SLC8A1: variants seen among roughly 807,000 people sequenced by gnomAD.
SLC8A1 encodes the protein sodium/calcium exchanger 1.
In SLC8A1, 18 loss-of-function variants were observed where a neutral mutation model predicts 68.3. That is an observed-to-expected ratio of 0.26 (90% CI 0.18 to 0.39). The LOEUF (loss-of-function observed/expected upper bound fraction) is 0.39. Among genes scored for constraint, SLC8A1 ranks in the 10% least tolerant of loss-of-function variants. SLC8A1 has a pLI of 1.00. For missense variants in SLC8A1, 985 were observed against 1,156.7 expected, an observed-to-expected ratio of 0.85 and a Z score of 2.15; for synonymous variants, 475 against 415.5, an observed-to-expected ratio of 1.14 and a Z score of -1.74.
chr2:40,480,808 C>A (rs778671670), intron 1 of SLC8A1, among the ~76,000 whole-genome samples: 1 of 152,062 alleles, frequency 6.6e-6, no homozygotes, highest in Non-Finnish European at 1.5e-5. Context: ...AAGATGAAGA[C>A]CACGACGTTA....
At chr2:40,438,690 C>T (rs1282319559) in intron 1 of SLC8A1, among the ~76,000 whole-genome samples, 1 of 152,146 alleles carries the variant, frequency 6.6e-6, no homozygotes, top group African/African-American at 2.4e-5. Context: ...TGGACAAAGG[C>T]ATAGAGCAAT....
chr2:40,213,656 A>G (rs1558781821), intron 2 of SLC8A1, among the ~76,000 whole-genome samples: 1 of 152,044 alleles, frequency 6.6e-6, no homozygotes, highest in Non-Finnish European at 1.5e-5. Flanking sequence ...TCCCAAGGAC[A>G]TTTTTTCCCC....
At chr2:40,473,703 C>T (rs1381369630) in intron 1 of SLC8A1, among the ~76,000 whole-genome samples, 3 of 152,102 alleles carry the variant, frequency 2.0e-5, no homozygotes, top group Admixed American at 2.0e-4. Flanking sequence ...TTGTTTATTA[C>T]AGTATTAATG....
intron 2 of SLC8A1, among the ~76,000 whole-genome samples, chr2:40,272,587 G>A (rs1454013506): frequency 6.6e-6 from 1 of 152,222 alleles, no homozygotes; most frequent in Non-Finnish European, 1.5e-5. Flanking sequence ...CACCTGTGCA[G>A]AGCCTGCCTT....
intron 2 of SLC8A1, among the ~76,000 whole-genome samples, chr2:40,343,681 T>C (rs1668389985): frequency 6.6e-6 from 1 of 152,146 alleles, no homozygotes; most frequent in Non-Finnish European, 1.5e-5. Flanking sequence ...ATAAATTAAA[T>C]ATAGACATAT....
chr2:40,279,599 C>T (rs181198209), intron 2 of SLC8A1, among the ~76,000 whole-genome samples: 3 of 152,260 alleles, frequency 2.0e-5, no homozygotes, highest in East Asian at 3.9e-4. Flanking sequence ...GACATAATTT[C>T]GGAGATGCTA....
intron 1 of SLC8A1, among the ~76,000 whole-genome samples, chr2:40,436,503 G>A (rs1186475459): frequency 6.6e-6 from 1 of 152,128 alleles, no homozygotes; most frequent in Non-Finnish European, 1.5e-5. Context: ...AGCATAACGA[G>A]AGCACCTGGG....
chr2:40,246,701 G>A (rs1468453948), intron 2 of SLC8A1, among the ~76,000 whole-genome samples: 1 of 152,200 alleles, frequency 6.6e-6, no homozygotes, highest in Non-Finnish European at 1.5e-5. Context: ...GGATGGTGAA[G>A]TCATATTGCT....
At chr2:40,212,301 T>TTTTTTTTA (rs1553417570) in intron 2 of SLC8A1, among the ~76,000 whole-genome samples, 1 of 150,426 alleles carries the variant, frequency 6.6e-6, no homozygotes, top group African/African-American at 2.4e-5. Flanking sequence ...TTTTTTTTTT[T>TTTTTTTTA]CCTGAGACAA....
intron 2 of SLC8A1, among the ~76,000 whole-genome samples, chr2:40,253,466 T>C (rs1045210160): frequency 6.6e-6 from 1 of 152,026 alleles, no homozygotes; most frequent in African/African-American, 2.4e-5. Flanking sequence ...AAGTATTATA[T>C]GTTCTCACTC....
At chr2:40,295,387 G>A (rs2070173589) in intron 2 of SLC8A1, among the ~76,000 whole-genome samples, 1 of 152,100 alleles carries the variant, frequency 6.6e-6, no homozygotes, top group East Asian at 1.9e-4. Flanking sequence ...ATAGGAGTGA[G>A]CCACCATGCC....
chr2:40,160,832 G>T (rs149210345), exon 6 of SLC8A1: 1 of 1,613,146 alleles, frequency 6.2e-7, no homozygotes, highest in Non-Finnish European at 8.5e-7. Flanking sequence ...CAAGGGCCAG[G>T]TTTGTCTTCT....
chr2:40,344,299 T>A (rs1298392674), intron 2 of SLC8A1, among the ~76,000 whole-genome samples: 1 of 152,162 alleles, frequency 6.6e-6, no homozygotes, highest in African/African-American at 2.4e-5. Context: ...GCCTGGGATT[T>A]TTTTGCATGA....
intron 7 of SLC8A1, among the ~76,000 whole-genome samples, chr2:40,138,839 T>C (rs1406487255): frequency 6.6e-6 from 1 of 152,200 alleles, no homozygotes; most frequent in Non-Finnish European, 1.5e-5. Flanking sequence ...TGAAGGGATG[T>C]TCATGAAATA....
chr2:40,171,028 T>A (rs750624382), intron 4 of SLC8A1, among the ~76,000 whole-genome samples: 1 of 152,212 alleles, frequency 6.6e-6, no homozygotes, highest in Non-Finnish European at 1.5e-5. Context: ...CTGGTTCAGC[T>A]GACTTCCAGA....
chr2:40,224,079 T>A (rs1004927323), intron 2 of SLC8A1, among the ~76,000 whole-genome samples: 2 of 152,162 alleles, frequency 1.3e-5, no homozygotes, highest in Non-Finnish European at 2.9e-5. Context: ...AGGCCTGGAA[T>A]GTTCGCTTCG....
At chr2:40,152,243 T>G (rs1327474443) in intron 6 of SLC8A1, among the ~76,000 whole-genome samples, 1 of 152,204 alleles carries the variant, frequency 6.6e-6, no homozygotes, top group Admixed American at 6.5e-5. Flanking sequence ...TTTGTATCAC[T>G]CTCTTACATA....
intron 2 of SLC8A1, among the ~76,000 whole-genome samples, chr2:40,318,341 A>C (rs1396876753): frequency 6.6e-6 from 1 of 152,018 alleles, no homozygotes; most frequent in Non-Finnish European, 1.5e-5. Flanking sequence ...TCATTCCAGG[A>C]TATTGTTCTA....
chr2:40,471,178 C>G (rs1412971801), intron 1 of SLC8A1, among the ~76,000 whole-genome samples: 1 of 152,176 alleles, frequency 6.6e-6, no homozygotes, highest in African/African-American at 2.4e-5. Flanking sequence ...TCTTTAGAAC[C>G]ACCCTCTGAC....
Sources: allele counts gnomAD v4.1 joint callset (sites outside exome capture counted in the v4.1 genomes callset), GRCh38; gene constraint gnomAD v4.1.1; transcripts MANE v1.5; gene names NCBI Gene and HGNC (gene_info 2026-07-23, HGNC 2026-07-21).